The following THADA variants were observed in gnomAD, a reference collection of about 807,000 sequenced individuals.
The protein encoded by THADA is THADA armadillo repeat containing.
Under a neutral mutation model 219.8 loss-of-function variants are expected in THADA, and 213 were observed. The observed-to-expected ratio is 0.97, with a 90% CI of 0.87 to 1.09. The LOEUF is 1.09. Among genes scored for constraint, THADA ranks in the 50% least tolerant of loss-of-function variants. The pLI, the probability that THADA is intolerant of heterozygous loss-of-function variation, is 0.00. For synonymous variants in THADA, 1,018 were observed against 828.9 expected (o/e 1.23, Z -3.92); for missense variants, 2,956 against 2,311.3 (o/e 1.28, Z -5.72).
chr2:43,367,656 T>C (rs566213717), intron 29 of THADA, among the ~76,000 whole-genome samples: 13 of 152,272 alleles, frequency 8.5e-5, no homozygotes, highest in Admixed American at 3.3e-4. Context: ...GGTACAAGAT[T>C]GTAGTAACTG....
At chr2:43,541,788 C>G (rs1374180670) in intron 20 of THADA, among the ~76,000 whole-genome samples, 1 of 152,112 alleles carries the variant, frequency 6.6e-6, no homozygotes, top group Non-Finnish European at 1.5e-5. Context: ...GCCACCATGC[C>G]AGGCCCAGTA....
rs1280933118 is a variant in THADA, at chr2:43,446,030, TC to T, written c.3837-15729del. Among the ~76,000 whole-genome samples, 8 of 152,326 alleles carry T rather than the reference TC, an allele frequency of 5.3e-5. No individual in the cohort carries two copies. In the East Asian group the frequency reaches 1.5e-3, roughly 29 times the overall value. On this transcript the variant is annotated intron_variant, in intron 26 of 37. Coordinates refer to ENST00000405975, the MANE Select transcript of THADA (RefSeq NM_022065.5). ...GGTGGGCCAGGAAACACATTTCCAC[TC>T]CTTTACACAGTGAGTTGGTGAGTAA...
intron 36 of THADA, among the ~76,000 whole-genome samples, chr2:43,239,143 G>A (rs1668362428): frequency 6.6e-6 from 1 of 152,170 alleles, no homozygotes; most frequent in Admixed American, 6.5e-5. Context: ...GGTTAATCTG[G>A]TGCCTTCCAT....
chr2:43,547,912 C>T lies in THADA; in HGVS notation c.3106+1298G>A, dbSNP rs1290295236. On this transcript the variant is annotated intron_variant, in intron 20 of 37. Coordinates refer to ENST00000405975, the MANE Select transcript of THADA (RefSeq NM_022065.5). The stretch of plus-strand genomic sequence containing the variant: ...GCTTTGTTCCGTTGCTGGTGAGGAG[C>T]TGCATTCCTTTGGAGGAGGAAAGGC... Among the ~76,000 whole-genome samples, 6 of 152,218 alleles carry T rather than the reference C, an allele frequency of 3.9e-5. No homozygotes were observed. The East Asian group carries it at 1.2e-3, about 29-fold the overall frequency.
chr2:43,504,453 T>A (rs1291142645), intron 24 of THADA, among the ~76,000 whole-genome samples: 2 of 152,210 alleles, frequency 1.3e-5, no homozygotes, highest in Non-Finnish European at 2.9e-5. Context: ...GTCCTCATTC[T>A]GGCCTGTGGG....
At chr2:43,338,840 C>T (rs529175350) in intron 30 of THADA, among the ~76,000 whole-genome samples, 1 of 152,294 alleles carries the variant, frequency 6.6e-6, no homozygotes, top group East Asian at 1.9e-4. Context: ...TGAGACCCCA[C>T]TCTCAAGTCT....
intron 29 of THADA, among the ~76,000 whole-genome samples, chr2:43,359,796 T>TC (rs1482809892): frequency 6.6e-6 from 1 of 151,930 alleles, no homozygotes; most frequent in Non-Finnish European, 1.5e-5. Context: ...ATTTTTTTTT[T>TC]TTTCTTTTTA....
At chr2:43,504,961 G>C (rs1222501091) in intron 24 of THADA, among the ~76,000 whole-genome samples, 1 of 152,178 alleles carries the variant, frequency 6.6e-6, no homozygotes, top group Non-Finnish European at 1.5e-5. Flanking sequence ...CGTACAAGCA[G>C]TACTTGATAG....
At chr2:43,504,939 T>C (rs1689473395) in intron 24 of THADA, among the ~76,000 whole-genome samples, 1 of 152,108 alleles carries the variant, frequency 6.6e-6, no homozygotes, top group Non-Finnish European at 1.5e-5. Flanking sequence ...ACTGAGGAAG[T>C]CCAGACTATA....
intron 30 of THADA, among the ~76,000 whole-genome samples, chr2:43,338,553 C>T (rs1044191309): frequency 3.3e-5 from 5 of 152,174 alleles, no homozygotes; most frequent in African/African-American, 1.2e-4. Context: ...CACTATTCTA[C>T]TTTCTGTCTC....
intron 26 of THADA, among the ~76,000 whole-genome samples, chr2:43,463,861 C>T (rs1434867660): frequency 6.6e-6 from 1 of 152,144 alleles, no homozygotes; most frequent in African/African-American, 2.4e-5. Context: ...CCTCTCAGTG[C>T]TCCAGACACA....
chr2:43,506,174 C>T (rs1282406157), intron 23 of THADA, among the ~76,000 whole-genome samples: 1 of 152,138 alleles, frequency 6.6e-6, no homozygotes, highest in Non-Finnish European at 1.5e-5. Flanking sequence ...TTAAGCCTCC[C>T]TGGAGATGAA....
intron 26 of THADA, among the ~76,000 whole-genome samples, chr2:43,446,017 A>G (rs1379697792): frequency 6.6e-6 from 1 of 152,208 alleles, no homozygotes; most frequent in Non-Finnish European, 1.5e-5. Flanking sequence ...TGGGCCAGGA[A>G]ACACATTTCC....
chr2:43,231,244 AGAG>A lies in THADA; in HGVS notation c.5563_5565del (p.Leu1855del). The A allele has an allele frequency of 1.2e-6, 2 of 1,613,708 alleles. No homozygotes were observed. Among genetic ancestry groups the A allele is most frequent in the African/African-American group, 1.3e-5 (1 of 75,030 alleles). ...CTTGGGGGACGCCAGCCGGACTTTG[AGAG>A]GAGACAGAAGAGGTGCTTGCAGAGG... On this transcript the variant is annotated inframe_deletion, in exon 38 of 38. Coordinates refer to ENST00000405975, the MANE Select transcript of THADA (RefSeq NM_022065.5).
chr2:43,359,267 C>A (rs1011777894), intron 29 of THADA, among the ~76,000 whole-genome samples: 6 of 152,196 alleles, frequency 3.9e-5, no homozygotes, highest in Non-Finnish European at 8.8e-5. Context: ...AATCTTGAGC[C>A]CCATTTCCTA....
intron 29 of THADA, among the ~76,000 whole-genome samples, chr2:43,391,408 A>T (rs1484966937): frequency 1.3e-5 from 2 of 152,176 alleles, no homozygotes; most frequent in Admixed American, 6.5e-5. Context: ...CCTGGCAGCT[A>T]AAAGCTGTCT....
At chr2:43,488,559 G>A (rs13409313) in intron 25 of THADA, among the ~76,000 whole-genome samples, 1,825 of 152,150 alleles carry the variant, frequency 0.012, 38 homozygotes, top group African/African-American at 0.041. Flanking sequence ...CAGATATACC[G>A]TATTTTTAAA....
At chr2:43,475,621 T>C (rs556148677) in intron 26 of THADA, among the ~76,000 whole-genome samples, 3 of 152,286 alleles carry the variant, frequency 2.0e-5, no homozygotes, top group East Asian at 1.9e-4. Flanking sequence ...TATTGCAGAA[T>C]AGCATTTTCG....
chr2:43,356,314 C>T (rs1668867717), intron 29 of THADA, among the ~76,000 whole-genome samples: 2 of 151,968 alleles, frequency 1.3e-5, no homozygotes, highest in African/African-American at 4.8e-5. Flanking sequence ...AAAAAAGAAA[C>T]TATAAAAATG....
Sources: allele counts gnomAD v4.1 joint callset (sites outside exome capture counted in the v4.1 genomes callset), GRCh38; gene constraint gnomAD v4.1.1; transcripts MANE v1.5; gene names NCBI Gene and HGNC (gene_info 2026-07-23, HGNC 2026-07-21).